Variants in MAF observed in about 807,000 individuals in gnomAD.
MAF encodes the protein transcription factor Maf.
A neutral mutation model predicts 22.0 loss-of-function variants in MAF; 10 were observed. The ratio of observed to expected loss-of-function variants is 0.45; its 90% CI spans 0.28 to 0.77. The LOEUF (loss-of-function observed/expected upper bound fraction) is 0.77, where lower values mean the gene tolerates loss of function less well. Among genes scored for constraint, MAF ranks in the 30% least tolerant of loss-of-function variants. MAF has a pLI of 0.12. For missense variants in MAF, 544 were observed against 548.4 expected, an observed-to-expected ratio of 0.99 and a Z score of 0.08; for synonymous variants, 337 against 255.8, an observed-to-expected ratio of 1.32 and a Z score of -3.03.
the MAF span, among the ~76,000 whole-genome samples, chr16:79,222,044 C>G: frequency 6.6e-6 from 1 of 151,866 alleles, no homozygotes; most frequent in Non-Finnish European, 1.5e-5. Flanking sequence ...ACAGTTGGGG[C>G]GAAGCTCTCT....
the MAF span, among the ~76,000 whole-genome samples, chr16:79,376,732 G>A: frequency 1.3e-5 from 2 of 151,910 alleles, no homozygotes; most frequent in Non-Finnish European, 2.9e-5. Flanking sequence ...CTGTGTCCAT[G>A]TGTTATTGTT....
chr16:79,251,350 T>C, the MAF span, among the ~76,000 whole-genome samples: 824 of 146,520 alleles, frequency 5.6e-3, 12 homozygotes, highest in African/African-American at 0.02. Context: ...AGTTTTGCTC[T>C]TGTCACCCAG....
chr16:79,247,129 G>C, the MAF span, among the ~76,000 whole-genome samples: 1 of 152,208 alleles, frequency 6.6e-6, no homozygotes, highest in Admixed American at 6.5e-5. Context: ...CCCCGAGGTG[G>C]TGATATTTCA....
At chr16:79,444,977 C>CA in the MAF span, among the ~76,000 whole-genome samples, 1 of 152,148 alleles carries the variant, frequency 6.6e-6, no homozygotes, top group African/African-American at 2.4e-5. Context: ...CAGTTTCTGG[C>CA]AAAAATTAAT....
the MAF span, among the ~76,000 whole-genome samples, chr16:79,557,747 T>A: frequency 1.3e-5 from 2 of 152,036 alleles, no homozygotes; most frequent in Non-Finnish European, 2.9e-5. Context: ...TTTATTCAAC[T>A]CATATGTGTT....
chr16:79,392,496 GGAGAGAGA>G, the MAF span, among the ~76,000 whole-genome samples: 6 of 148,292 alleles, frequency 4.0e-5, no homozygotes, highest in Non-Finnish European at 6.0e-5. Flanking sequence ...AGAGATAGGA[GGAGAGAGA>G]GAGAGAGAGA....
chr16:79,375,206 G>A, the MAF span, among the ~76,000 whole-genome samples: 1 of 152,244 alleles, frequency 6.6e-6, no homozygotes, highest in Admixed American at 6.5e-5. Flanking sequence ...AGGGAGGTTT[G>A]ATGCCTCAAG....
chr16:79,430,260 T>C, the MAF span, among the ~76,000 whole-genome samples: 3 of 152,246 alleles, frequency 2.0e-5, no homozygotes, highest in African/African-American at 7.2e-5. Context: ...TGGAGCTATA[T>C]TGAGCACGTA....
At chr16:79,457,028 T>C in the MAF span, among the ~76,000 whole-genome samples, 3,920 of 152,152 alleles carry the variant, frequency 0.026, 180 homozygotes, top group African/African-American at 0.09. Context: ...AAATGTAACC[T>C]TGTAGGGACT....
At chr16:79,542,383 T>A in the MAF span, among the ~76,000 whole-genome samples, 21 of 152,144 alleles carry the variant, frequency 1.4e-4, no homozygotes, top group African/African-American at 5.1e-4. Flanking sequence ...GGTGAGTAAG[T>A]GCCTGTTGGA....
chr16:79,359,163 G>T, the MAF span, among the ~76,000 whole-genome samples: 6 of 152,172 alleles, frequency 3.9e-5, no homozygotes, highest in Non-Finnish European at 8.8e-5. Context: ...CATTCCATAT[G>T]CATGCCCCAC....
At chr16:79,391,766 C>T in the MAF span, among the ~76,000 whole-genome samples, 1 of 152,082 alleles carries the variant, frequency 6.6e-6, no homozygotes, top group Non-Finnish European at 1.5e-5. Context: ...TGCCAAAGCG[C>T]ATCATCTGCT....
the MAF span, chr16:79,203,068 AATT>A: frequency 6.6e-6 from 1 of 152,226 alleles, no homozygotes. Context: ...TTACCCGGGC[AATT>A]AAAGCAACAG....
chr16:79,246,061 G>C, the MAF span, among the ~76,000 whole-genome samples: 1 of 152,150 alleles, frequency 6.6e-6, no homozygotes, highest in Non-Finnish European at 1.5e-5. Context: ...CTGTCAGGGG[G>C]TGAGGGGTTA....
At chr16:79,317,411 C>T in the MAF span, among the ~76,000 whole-genome samples, 2 of 146,736 alleles carry the variant, frequency 1.4e-5, no homozygotes, top group Non-Finnish European at 3.0e-5. Flanking sequence ...TCCATCTCTC[C>T]CTCCCTCCTT....
chr16:79,355,487 G>A, the MAF span, among the ~76,000 whole-genome samples: 2 of 152,210 alleles, frequency 1.3e-5, no homozygotes, highest in Non-Finnish European at 2.9e-5. Flanking sequence ...CCAAGGCAGA[G>A]AAGTGAGAGA....
chr16:79,304,709 T>G, the MAF span, among the ~76,000 whole-genome samples: 1 of 152,326 alleles, frequency 6.6e-6, no homozygotes, highest in African/African-American at 2.4e-5. Flanking sequence ...TTCCTAATCA[T>G]ACATATTTTG....
the MAF span, among the ~76,000 whole-genome samples, chr16:79,447,720 G>A: frequency 4.6e-5 from 7 of 151,730 alleles, no homozygotes; most frequent in Admixed American, 2.0e-4. Flanking sequence ...ACGACTAAAG[G>A]GTTCCAGACT....
the MAF span, among the ~76,000 whole-genome samples, chr16:79,376,697 G>A: frequency 2.0e-5 from 3 of 151,918 alleles, no homozygotes; most frequent in African/African-American, 7.3e-5. Flanking sequence ...CCTACAACAG[G>A]CCCTGGTGTG....
Sources: allele counts gnomAD v4.1 joint callset (sites outside exome capture counted in the v4.1 genomes callset), GRCh38; gene constraint gnomAD v4.1.1; transcripts MANE v1.5; gene names NCBI Gene and HGNC (gene_info 2026-07-23, HGNC 2026-07-21).